RFTN1: variants seen among roughly 807,000 people sequenced by gnomAD.
The protein encoded by RFTN1 is raftlin.
RFTN1 carries 26 observed loss-of-function variants against 46.5 expected under a neutral mutation model. The ratio of observed to expected loss-of-function variants is 0.56; its 90% confidence interval spans 0.41 to 0.78. RFTN1 has a LOEUF of 0.78. Among genes scored for constraint, RFTN1 ranks in the 30% least tolerant of loss-of-function variants. The probability of loss-of-function intolerance (pLI) is 0.00; values close to 1 mark genes in which losing one functional copy is unlikely to be tolerated. For missense variants in RFTN1, 693 were observed against 718.7 expected (o/e 0.96, Z 0.41); for synonymous variants, 261 against 284.2 (o/e 0.92, Z 0.82).
chr3:16,497,897 C>G (rs1170251162), intron 1 of RFTN1, among the ~76,000 whole-genome samples: 1 of 152,032 alleles, frequency 6.6e-6, no homozygotes, highest in Non-Finnish European at 1.5e-5. Context: ...TCCCTGATAG[C>G]AGAAAGGAGA....
chr3:16,435,911 G>GTCGTAA (rs2075500613), intron 2 of RFTN1, among the ~76,000 whole-genome samples: 1 of 90,826 alleles, frequency 1.1e-5, no homozygotes, highest in African/African-American at 5.0e-5. Context: ...AAAAATCAGA[G>GTCGTAA]ATGTAAATAT....
rs560987454 is a variant in RFTN1 at position 16,475,523 on chromosome 3, T to G, written c.145+18202A>C. 2.6e-5 allele frequency among the ~76,000 whole-genome samples: 4 copies of G among 152,130 alleles called. No individual in the cohort carries two copies. The highest frequency in any genetic ancestry group is 5.9e-5 in the Non-Finnish European group (4 of 68,026). ...AAGGCAATTACCCTACTGGGTGAGG[T>G]GAATGATCCCAATTTCCACAGGGAA... On this transcript the variant is annotated intron_variant, in intron 2 of 9. Coordinates refer to ENST00000334133, the MANE Select transcript of RFTN1 (RefSeq NM_015150.2). The surrounding 1 kb of genome is among the most constrained non-coding windows in gnomAD (Gnocchi z 4.2).
In RFTN1 at chr3:16,400,142, T is replaced by C. The variant is rs537620179; in HGVS notation, c.441+9233A>G. 2.0e-5 allele frequency among the ~76,000 whole-genome samples: 3 copies of C among 152,294 alleles called. No individual in the cohort carries two copies. The South Asian group carries it at 6.2e-4, about 32-fold the overall frequency. On this transcript the variant is annotated intron_variant, in intron 4 of 9. Coordinates refer to ENST00000334133, the MANE Select transcript of RFTN1 (RefSeq NM_015150.2). The surrounding 1 kb of genome is among the most constrained non-coding windows in gnomAD (Gnocchi z 4.5). ...AGGATAAAGGGCCCCATCCTCAGCCTGGCCTGCAGGGCTGTATGGGGACCC... is the reference window on the plus strand; with the variant it reads ...AGGATAAAGGGCCCCATCCTCAGCCCGGCCTGCAGGGCTGTATGGGGACCC...
At position 16,391,867 on chromosome 3, in the gene RFTN1, TTGTTTTTTTTTTTTGTTTTTTTTTTTG is replaced by T. The variant is rs1412654282; in HGVS notation, c.442-13792_442-13766del. 1.9e-3 allele frequency among the ~76,000 whole-genome samples: 33 copies of T among 17,188 alleles called. 5 individuals carry two copies. Among genetic ancestry groups the T allele is most frequent in the South Asian group, 0.014 (13 of 956 alleles). 11.3% of individuals were successfully genotyped at this position (17,188 alleles called of 152,430 possible). On this transcript the variant is annotated intron_variant, in intron 4 of 9. Coordinates refer to ENST00000334133, the MANE Select transcript of RFTN1 (RefSeq NM_015150.2). ...TCATTCTAGTGCAAAGGTTTTTTTTTTGTTTTTTTTTTTTGTTTTTTTTTTTGTTTTTTTTACGGGGAAGAAAGCTAA... is the reference window on the plus strand; with the variant it reads ...TCATTCTAGTGCAAAGGTTTTTTTTTTTTTTTTTACGGGGAAGAAAGCTAA...
Position 16,391,105 on chromosome 3 carries a change from C to G in RFTN1, c.442-13003G>C, listed in dbSNP as rs138207197. Among the ~76,000 whole-genome samples the G allele has an allele frequency of 3.7e-4, 56 of 152,204 alleles. 1 individual carries two copies. Among genetic ancestry groups the G allele is most frequent in the African/African-American group, 1.3e-3 (52 of 41,518 alleles). Reference sequence around the variant, plus strand: ...ACCTTTACCAAGACCATCACTAGTACCCCAATGAATAACACCTCCATCACC... The same window carrying G: ...ACCTTTACCAAGACCATCACTAGTAGCCCAATGAATAACACCTCCATCACC... On this transcript the variant is annotated intron_variant, in intron 4 of 9. Transcript: ENST00000334133.
At chr3:16,349,893 G>C (rs370404200) in intron 7 of RFTN1, 1 of 152,204 alleles carries the variant, frequency 6.6e-6, no homozygotes, top group Non-Finnish European at 1.5e-5. Context: ...AGCAGGAGTC[G>C]ATGTTGCAGT....
At chr3:16,394,314 T>G (rs2063775) in intron 4 of RFTN1, among the ~76,000 whole-genome samples, 25,010 of 152,146 alleles carry the variant, frequency 0.16, 2,355 homozygotes, top group East Asian at 0.3. Flanking sequence ...GGTTTGAAGC[T>G]GTAGTGAGCT....
rs976657975 is a variant in RFTN1 at position 16,361,308 on chromosome 3, A to G, written c.1031-3261T>C. 9.8e-5 allele frequency among the ~76,000 whole-genome samples: 15 copies of G among 152,310 alleles called. No homozygotes were observed. Among genetic ancestry groups the G allele is most frequent in the African/African-American group, 3.4e-4 (14 of 41,560 alleles). Reference sequence around the variant, plus strand: ...TCATTATGACACCTACTGGGAATCTATTATGTGCCAAGTAGTCCTGTAGTC... The same window carrying G: ...TCATTATGACACCTACTGGGAATCTGTTATGTGCCAAGTAGTCCTGTAGTC... On this transcript the variant is annotated intron_variant, in intron 6 of 9. Coordinates refer to ENST00000334133, the MANE Select transcript of RFTN1 (RefSeq NM_015150.2). The surrounding 1 kb of genome is among the most constrained non-coding windows in gnomAD (Gnocchi z 4.3).
intron 7 of RFTN1, among the ~76,000 whole-genome samples, chr3:16,354,583 T>A (rs1439723438): frequency 1.3e-5 from 2 of 152,204 alleles, no homozygotes; most frequent in Non-Finnish European, 2.9e-5. Flanking sequence ...CTTCAGGTCT[T>A]CCTTTCGTTG....
rs140981503 is a variant in RFTN1, at chr3:16,474,138, A to T, written c.145+19587T>A. ...TGCATTTGGTATAAAAATAGCTATCATTTACTGAGAATTATCTAGGGGTCT... is the reference window on the plus strand; with the variant it reads ...TGCATTTGGTATAAAAATAGCTATCTTTTACTGAGAATTATCTAGGGGTCT... On this transcript the variant is annotated intron_variant, in intron 2 of 9. Coordinates refer to ENST00000334133, the MANE Select transcript of RFTN1 (RefSeq NM_015150.2). This position sits in a 1 kb window ranked among gnomAD's most constrained non-coding sequence, Gnocchi z 5.5. 6.4e-4 allele frequency among the ~76,000 whole-genome samples: 98 copies of T among 152,300 alleles called. No homozygotes were observed. Among genetic ancestry groups the T allele is most frequent in the African/African-American group, 2.3e-3 (96 of 41,562 alleles).
At chr3:16,405,524 C>T (rs1347132035) in intron 4 of RFTN1, among the ~76,000 whole-genome samples, 1 of 152,184 alleles carries the variant, frequency 6.6e-6, no homozygotes, top group Non-Finnish European at 1.5e-5. Context: ...TTACACAACT[C>T]CCTTCACACT....
At position 16,460,893 on chromosome 3, in the gene RFTN1, T is replaced by C. The variant is rs2075998913; in HGVS notation, c.146-26856A>G. Among the ~76,000 whole-genome samples, 1 of 152,166 alleles carries C rather than the reference T, an allele frequency of 6.6e-6. No individual in the cohort carries two copies. Among genetic ancestry groups the C allele is most frequent in the Admixed American group, 6.5e-5 (1 of 15,282 alleles). On this transcript the variant is annotated intron_variant, in intron 2 of 9. Transcript: ENST00000334133. The surrounding 1 kb of genome is among the most constrained non-coding windows in gnomAD (Gnocchi z 4.8). ...TTACCCTTCATAAGGCAGCCCCTAC[T>C]CGAGGCTGGCCAGACTTCTTCAACA... is the stretch of plus-strand genomic sequence containing the variant.
intron 6 of RFTN1, among the ~76,000 whole-genome samples, chr3:16,366,686 T>C (rs1197777411): frequency 5.9e-5 from 9 of 152,258 alleles, no homozygotes; most frequent in African/African-American, 2.2e-4. Context: ...ATAATGTCTC[T>C]GTGCCTCAGT....
chr3:16,353,970 A>G lies in RFTN1; in HGVS notation c.1146+3962T>C, dbSNP rs2072258706. Among the ~76,000 whole-genome samples, 1 of 152,192 alleles carries G rather than the reference A, an allele frequency of 6.6e-6. No homozygotes were observed. Among genetic ancestry groups the G allele is most frequent in the Non-Finnish European group, 1.5e-5 (1 of 68,024 alleles). On this transcript the variant is annotated intron_variant, in intron 7 of 9. Transcript: ENST00000334133. The surrounding 1 kb of genome is among the most constrained non-coding windows in gnomAD (Gnocchi z 5.4). Reference sequence around the variant, plus strand: ...CCAAGCAGACTAAGACATCCATTGAATAGGAAATAGGGGTAGAGCCTGGAT... The same window carrying G: ...CCAAGCAGACTAAGACATCCATTGAGTAGGAAATAGGGGTAGAGCCTGGAT...
At chr3:16,373,843 G>A (rs1292739501) in intron 5 of RFTN1, among the ~76,000 whole-genome samples, 1 of 152,198 alleles carries the variant, frequency 6.6e-6, no homozygotes, top group Non-Finnish European at 1.5e-5. Flanking sequence ...TTTGCATTGG[G>A]AAGGGAGGCA....
chr3:16,472,717 C>T (rs1053595992), intron 2 of RFTN1: 5 of 152,238 alleles, frequency 3.3e-5, no homozygotes, highest in African/African-American at 7.2e-5. Flanking sequence ...ACTTCCTGTT[C>T]GAAATGGAGG....
Position 16,321,265 on chromosome 3 carries a change from T to C in RFTN1, c.1332+2111A>G, listed in dbSNP as rs997937431. ...GCTGAAAATGCAGGCGGAATGGTCA[T>C]TGGCACAGAGGTGGTGAAGGAGATT... On this transcript the variant is annotated intron_variant, in intron 9 of 9. Coordinates refer to ENST00000334133, the MANE Select transcript of RFTN1 (RefSeq NM_015150.2). The surrounding 1 kb of genome is among the most constrained non-coding windows in gnomAD (Gnocchi z 4.8). Among the ~76,000 whole-genome samples, 3 of 152,002 alleles carry C rather than the reference T, an allele frequency of 2.0e-5. No individual in the cohort carries two copies. The highest frequency in any genetic ancestry group is 7.3e-5 in the African/African-American group (3 of 41,354).
chr3:16,368,663 A>T (rs546513708), intron 6 of RFTN1, among the ~76,000 whole-genome samples: 1 of 151,692 alleles, frequency 6.6e-6, no homozygotes, highest in South Asian at 2.1e-4. Flanking sequence ...TGGGCGACAG[A>T]GCGAGACTCT....
rs904396764 is a variant in RFTN1, at chr3:16,504,537, A to G, written c.-9+8905T>C. 1.3e-5 allele frequency among the ~76,000 whole-genome samples: 2 copies of G among 152,190 alleles called. No individual in the cohort carries two copies. Among genetic ancestry groups the G allele is most frequent in the Non-Finnish European group, 2.9e-5 (2 of 68,028 alleles). On this transcript the variant is annotated intron_variant, in intron 1 of 9. Coordinates refer to ENST00000334133, the MANE Select transcript of RFTN1 (RefSeq NM_015150.2). This position sits in a 1 kb window ranked among gnomAD's most constrained non-coding sequence, Gnocchi z 4.4. ...AAGTATTGCTGCATTTCCCTCAAAG[A>G]TGTGAAATATCCCTTGGCCACCCTG...
Sources: gnomAD v4.1 joint callset for allele counts (sites outside exome capture counted in the v4.1 genomes callset) on GRCh38, gnomAD v4.1.1 for gene constraint, Gnocchi (gnomAD v3.1) non-coding constraint, MANE v1.5 for transcripts, NCBI Gene and HGNC (gene_info 2026-07-23, HGNC 2026-07-21) for gene names.